PPIAL4H: variants seen among roughly 807,000 people sequenced by gnomAD.
PPIAL4H encodes peptidylprolyl isomerase A like 4H, also known as peptidyl-prolyl cis-trans isomerase A-like 4H.
PPIAL4H carries 6 observed loss-of-function variants against 7.5 expected under a neutral mutation model. The observed-to-expected ratio is 0.80, with a 90% CI of 0.44 to 1.58. The LOEUF is 1.58. PPIAL4H is among the 40% of genes most tolerant of loss of function. The pLI is 0.01. For synonymous variants in PPIAL4H, 43 were observed against 76.6 expected (o/e 0.56, Z 2.29); for missense variants, 115 against 211.6 (o/e 0.54, Z 2.83).
At position 146,344,081 on chromosome 1, in the gene PPIAL4H, G is replaced by A; in HGVS notation, c.*140C>T. 1 of 729,378 alleles carries A rather than the reference G, an allele frequency of 1.4e-6. No individual in the cohort carries two copies. The highest frequency in any genetic ancestry group is 1.8e-5 in the South Asian group (1 of 54,784). 45.2% of individuals were successfully genotyped at this position (729,378 alleles called of 1,614,324 possible). On this transcript the variant is annotated 3_prime_UTR_variant, in exon 1 of 1. Coordinates refer to ENST00000584068, the MANE Select transcript of PPIAL4H (RefSeq NM_001368128.3). ...TCCAGCTAGGCATGGAAGGGAACAAGGAAAACATGGAACCCAAAGGGAACT... is the reference window on the plus strand; with the variant it reads ...TCCAGCTAGGCATGGAAGGGAACAAAGAAAACATGGAACCCAAAGGGAACT...
Position 146,344,469 on chromosome 1 carries a change from A to G in PPIAL4H, c.247T>C (p.Phe83Leu), listed in dbSNP as rs1302373675. The change falls in exon 1 of 1, where the codon TTT (phenylalanine) becomes CTT (leucine). Residue 83 changes from phenylalanine (F) to leucine (L), a missense_variant. Phe to Leu is a conservative substitution (Grantham distance 22). This residue lies in a region of PPIAL4H where 68 missense variants were observed against 75.8 expected (regional missense o/e 0.90). Coordinates refer to ENST00000584068, the MANE Select transcript of PPIAL4H (RefSeq NM_001368128.3). ...TTTCGGATGAGGTTCTCATCATCAAATTTCTCCCCATAGATGGACTTGTCA... is the reference window on the plus strand; with the variant it reads ...TTTCGGATGAGGTTCTCATCATCAAGTTTCTCCCCATAGATGGACTTGTCA... Reference protein sequence around the residue: ...TDDKSIYGEKFDDENLIRKHT... With the variant: ...TDDKSIYGEKLDDENLIRKHT... The G allele has an allele frequency of 3.0e-5, 47 of 1,588,374 alleles. 6 individuals carry two copies. The highest frequency in any genetic ancestry group is 4.0e-5 in the Non-Finnish European group (47 of 1,163,154).
In PPIAL4H at chr1:146,344,263, C is replaced by T; in HGVS notation, c.453G>A (p.Lys151=). Residue 151 remains lysine (K), a synonymous_variant, in exon 1 of 1, where the codon AAG becomes AAA. Transcript: ENST00000584068. ...AMEHFGYRNS[K]TSKKITIADC... ...CAGCAATGGTGATCTTCTTGCTGGT[C>T]TTGCTATTCCTGTACCCAAAGTGCT... The T allele has an allele frequency of 1.3e-6, 2 of 1,566,268 alleles. No homozygotes were observed.
chr1:146,344,479 A>C lies in PPIAL4H; in HGVS notation c.237T>G (p.Tyr79Ter). The C allele has an allele frequency of 6.3e-7, 1 of 1,588,448 alleles. No homozygotes were observed. Among genetic ancestry groups the C allele is most frequent in the East Asian group, 2.3e-5 (1 of 44,026 alleles). ...GGTTCTCATCATCAAATTTCTCCCC[A>C]TAGATGGACTTGTCATCGGTGCCAT... is the stretch of plus-strand genomic sequence containing the variant. The part of the protein sequence containing the change: ...RPNGTDDKSI[Y>*]GEKFDDENLI... The change falls in exon 1 of 1, where the codon TAT becomes TAG. Residue 79 changes from tyrosine to a stop codon, truncating the protein, a stop_gained. Transcript: ENST00000584068. LOFTEE classifies it high-confidence loss of function.
In PPIAL4H at chr1:146,344,531, C is replaced by A. The variant is rs1666621417; in HGVS notation, c.185G>T (p.Cys62Phe). ...AGGGCGTGTGAAGTCACCACCCTGA[C>A]ACATAAACCCTGGAATAATTCTGTG... is the stretch of plus-strand genomic sequence containing the variant. ...CFHRIIPGFM[C>F]QGGDFTRPNG... Residue 62 changes from cysteine to phenylalanine, a missense_variant, in exon 1 of 1, where the codon TGT becomes TTT. Physicochemically the swap from Cys to Phe is radical, Grantham distance 205. Around this residue, in one of 3 missense-constraint regions of PPIAL4H, gnomAD observed 36 missense variants for 100.4 expected, o/e 0.36. Coordinates refer to ENST00000584068, the MANE Select transcript of PPIAL4H (RefSeq NM_001368128.3). The A allele has an allele frequency of 6.3e-7, 1 of 1,586,272 alleles. No individual in the cohort carries two copies. The highest frequency in any genetic ancestry group is 8.6e-7 in the Non-Finnish European group (1 of 1,162,612).
Position 146,344,406 on chromosome 1 carries a change from C to A in PPIAL4H, c.310G>T (p.Gly104Ter). Reference sequence around the variant, plus strand: ...AACTGGGAGCCATTTGTGTTGGGTCCAGCATTTACCATGGACAAGATGCCA... The same window carrying A: ...AACTGGGAGCCATTTGTGTTGGGTCAAGCATTTACCATGGACAAGATGCCA... ...GSGILSMVNA[G>*]PNTNGSQLFI... Residue 104 changes from glycine to a stop codon, truncating the protein, a stop_gained, in exon 1 of 1, where the codon GGA becomes TGA. Coordinates refer to ENST00000584068, the MANE Select transcript of PPIAL4H (RefSeq NM_001368128.3). LOFTEE classifies it high-confidence loss of function. 6.3e-7 allele frequency: 1 copy of A among 1,588,662 alleles called. No homozygotes were observed.
chr1:146,344,205 A>G lies in PPIAL4H; in HGVS notation c.*16T>C. 3 of 1,558,324 alleles carry G rather than the reference A, an allele frequency of 1.9e-6. No homozygotes were observed. In the South Asian group the frequency reaches 3.4e-5, roughly 17 times the overall value. ...GAATGGGTCTGGTGGTGAAAATAAA[A>G]CACAAGTCAAACTCATTAGAATTGT... On this transcript the variant is annotated 3_prime_UTR_variant, in exon 1 of 1. Transcript: ENST00000584068.
chr1:146,344,089 T>C lies in PPIAL4H; in HGVS notation c.*132A>G. 1.3e-6 allele frequency: 1 copy of C among 776,312 alleles called. No homozygotes were observed. The highest frequency in any genetic ancestry group is 2.0e-6 in the Non-Finnish European group (1 of 498,586). 48.1% of individuals were successfully genotyped at this position (776,312 alleles called of 1,614,324 possible). A position where few individuals can be genotyped will look rare whatever the true frequency, so the allele number is the denominator to read the frequency against. ...GGCATGGAAGGGAACAAGGAAAACA[T>C]GGAACCCAAAGGGAACTGCAGCAAG... is the stretch of plus-strand genomic sequence containing the variant. On this transcript the variant is annotated 3_prime_UTR_variant, in exon 1 of 1. Coordinates refer to ENST00000584068, the MANE Select transcript of PPIAL4H (RefSeq NM_001368128.3).
In PPIAL4H at chr1:146,344,088, A is replaced by T; in HGVS notation, c.*133T>A. 7.8e-6 allele frequency: 6 copies of T among 773,086 alleles called. No individual in the cohort carries two copies. In the South Asian group the frequency reaches 1.1e-4, roughly 14 times the overall value. 47.9% of individuals were successfully genotyped at this position (773,086 alleles called of 1,614,324 possible). Reference sequence around the variant, plus strand: ...AGGCATGGAAGGGAACAAGGAAAACATGGAACCCAAAGGGAACTGCAGCAA... The same window carrying T: ...AGGCATGGAAGGGAACAAGGAAAACTTGGAACCCAAAGGGAACTGCAGCAA... On this transcript the variant is annotated 3_prime_UTR_variant, in exon 1 of 1. Coordinates refer to ENST00000584068, the MANE Select transcript of PPIAL4H (RefSeq NM_001368128.3).
chr1:146,344,110 G>A lies in PPIAL4H; in HGVS notation c.*111C>T. ...AACATGGAACCCAAAGGGAACTGCA[G>A]CAAGAGCACAAAGATTCTAGGATAT... On this transcript the variant is annotated 3_prime_UTR_variant, in exon 1 of 1. Transcript: ENST00000584068. 1.9e-6 allele frequency: 2 copies of A among 1,080,544 alleles called. No homozygotes were observed. Among genetic ancestry groups the A allele is most frequent in the South Asian group, 3.0e-5 (2 of 66,426 alleles). The allele number at this position is 1,080,544 out of a possible 1,614,324, so 66.9% of individuals were successfully genotyped here.
rs1218289115 is a variant in PPIAL4H at position 146,344,368 on chromosome 1, A to C, written c.348T>G (p.Thr116=). The C allele has an allele frequency of 1.0e-4, 164 of 1,587,560 alleles. 13 individuals carry two copies. Among genetic ancestry groups the C allele is most frequent in the Non-Finnish European group, 1.2e-4 (140 of 1,162,636 alleles). The stretch of plus-strand genomic sequence containing the variant: ...TGCCATCCAACCACTCAGTCTTGGC[A>C]GTGCAGATGAATAACTGGGAGCCAT... ...NTNGSQLFIC[T]AKTEWLDGKH... is the part of the protein sequence containing the mutation. The change falls in exon 1 of 1, where the codon ACT becomes ACG. Residue 116 remains threonine (T), a synonymous_variant. Transcript: ENST00000584068.
In PPIAL4H at chr1:146,344,372, C is replaced by T; in HGVS notation, c.344G>A (p.Cys115Tyr). 6.3e-7 allele frequency: 1 copy of T among 1,587,648 alleles called. No individual in the cohort carries two copies. Among genetic ancestry groups the T allele is most frequent in the Non-Finnish European group, 8.6e-7 (1 of 1,162,708 alleles). Residue 115 changes from cysteine to tyrosine, a missense_variant, in exon 1 of 1, where the codon TGC (cysteine) becomes TAC (tyrosine). Physicochemically the swap from Cys to Tyr is radical, Grantham distance 194. Transcript: ENST00000584068. ...ATCCAACCACTCAGTCTTGGCAGTG[C>T]AGATGAATAACTGGGAGCCATTTGT... Reference protein sequence around the residue: ...PNTNGSQLFICTAKTEWLDGK... With the variant: ...PNTNGSQLFIYTAKTEWLDGK...
Position 146,344,630 on chromosome 1 carries a change from A to T in PPIAL4H, c.86T>A (p.Ile29Asn). ...ACGAAAGTTTTCTGCTGTCTTTGGA[A>T]TCTTGTCTGCAAACAGTTTGATGGA... ...RISIKLFADK[I>N]PKTAENFRAL... Residue 29 changes from isoleucine to asparagine, a missense_variant, in exon 1 of 1, where the codon ATT becomes AAT. Around this residue, in one of 3 missense-constraint regions of PPIAL4H, gnomAD observed 36 missense variants for 100.4 expected, o/e 0.36. Coordinates refer to ENST00000584068, the MANE Select transcript of PPIAL4H (RefSeq NM_001368128.3). 5.2e-6 allele frequency: 8 copies of T among 1,544,508 alleles called. No individual in the cohort carries two copies. Among genetic ancestry groups the T allele is most frequent in the Non-Finnish European group, 7.0e-6 (8 of 1,137,654 alleles).
At position 146,344,311 on chromosome 1, in the gene PPIAL4H, A is replaced by T; in HGVS notation, c.405T>A (p.Arg135=). ...KHVAFGKVKE[R]VNIVEAMEHF... ...GCTCCATGGCTTCCACAATATTCAC[A>T]CGTTCTTTCACCTTGCCAAAGGCCA... Residue 135 remains arginine (R), a synonymous_variant, in exon 1 of 1, where the codon CGT becomes CGA. Transcript: ENST00000584068. 6.3e-7 allele frequency: 1 copy of T among 1,579,458 alleles called. No individual in the cohort carries two copies. The highest frequency in any genetic ancestry group is 8.6e-7 in the Non-Finnish European group (1 of 1,161,124).
rs1409509172 is a variant in PPIAL4H at position 146,344,576 on chromosome 1, C to A, written c.140G>T (p.Arg47Leu). The change falls in exon 1 of 1, where the codon CGT becomes CTT. Residue 47 changes from arginine to leucine, a missense_variant. Around this residue, in one of 3 missense-constraint regions of PPIAL4H, gnomAD observed 36 missense variants for 100.4 expected, o/e 0.36. Transcript: ENST00000584068. Reference protein sequence around the residue: ...RALSTGEKGFRYKGSCFHRII... With the variant: ...RALSTGEKGFLYKGSCFHRII... ...TCTGTGAAAGCAGGAACCCTTATAA[C>A]GAAATCCTTTCTCTCCAGTGCTCAG... The A allele has an allele frequency of 6.3e-7, 1 of 1,577,228 alleles. No individual in the cohort carries two copies. Among genetic ancestry groups the A allele is most frequent in the South Asian group, 1.1e-5 (1 of 89,472 alleles).
In PPIAL4H at chr1:146,344,383, C is replaced by T. The variant is rs1666619314; in HGVS notation, c.333G>A (p.Gln111=). The part of the protein sequence containing the change: ...VNAGPNTNGS[Q]LFICTAKTEW... ...CAGTCTTGGCAGTGCAGATGAATAA[C>T]TGGGAGCCATTTGTGTTGGGTCCAG... Residue 111 remains glutamine, a synonymous_variant, in exon 1 of 1, where the codon CAG becomes CAA. Coordinates refer to ENST00000584068, the MANE Select transcript of PPIAL4H (RefSeq NM_001368128.3). 1.3e-6 allele frequency: 2 copies of T among 1,588,454 alleles called. No homozygotes were observed. Among genetic ancestry groups the T allele is most frequent in the East Asian group, 4.5e-5 (2 of 44,020 alleles).
chr1:146,344,712 C>T lies in PPIAL4H; in HGVS notation c.4G>A (p.Val2Ile). The part of the protein sequence containing the change: M[V>I]NSVVFFDITV... ...ATGTCAAAAAAGACGACGGAGTTGA[C>T]CATGGCTGATAGTACAGGGCTCACA... The change falls in exon 1 of 1, where the codon GTC (valine) becomes ATC (isoleucine). Residue 2 changes from valine to isoleucine, a missense_variant. Transcript: ENST00000584068. The T allele has an allele frequency of 7.6e-7, 1 of 1,318,688 alleles. No individual in the cohort carries two copies. The highest frequency in any genetic ancestry group is 1.1e-6 in the Non-Finnish European group (1 of 951,546). 81.7% of individuals were successfully genotyped at this position (1,318,688 alleles called of 1,614,324 possible). A position where few individuals can be genotyped will look rare whatever the true frequency, so the allele number is the denominator to read the frequency against.
Position 146,344,477 on chromosome 1 carries a change from C to T in PPIAL4H, c.239G>A (p.Gly80Glu). ...GAGGTTCTCATCATCAAATTTCTCCCCATAGATGGACTTGTCATCGGTGCC... is the reference window on the plus strand; with the variant it reads ...GAGGTTCTCATCATCAAATTTCTCCTCATAGATGGACTTGTCATCGGTGCC... ...PNGTDDKSIY[G>E]EKFDDENLIR... Residue 80 changes from glycine to glutamate, a missense_variant, in exon 1 of 1, where the codon GGG becomes GAG. By Grantham distance (98) the Gly-to-Glu change is moderately conservative (BLOSUM62 -2). Coordinates refer to ENST00000584068, the MANE Select transcript of PPIAL4H (RefSeq NM_001368128.3). The T allele has an allele frequency of 1.3e-6, 2 of 1,588,438 alleles. No homozygotes were observed. The highest frequency in any genetic ancestry group is 1.7e-6 in the Non-Finnish European group (2 of 1,163,146).
At position 146,344,045 on chromosome 1, in the gene PPIAL4H, C is replaced by T; in HGVS notation, c.*176G>A. ...TTATTTCATAATCATAAACTTAACT[C>T]AACTCTGCAATCCAGCTAGGCATGG... On this transcript the variant is annotated 3_prime_UTR_variant, in exon 1 of 1. Transcript: ENST00000584068. 1.7e-6 allele frequency: 1 copy of T among 577,734 alleles called. No individual in the cohort carries two copies. Among genetic ancestry groups the T allele is most frequent in the East Asian group, 2.9e-5 (1 of 34,008 alleles). The allele number at this position is 577,734 out of a possible 1,614,324, so 35.8% of individuals were successfully genotyped here.
Position 146,344,509 on chromosome 1 carries a change from G to A in PPIAL4H, c.207C>T (p.Arg69=). The part of the protein sequence containing the change: ...GFMCQGGDFT[R]PNGTDDKSIY... ...TGGACTTGTCATCGGTGCCATTAGG[G>A]CGTGTGAAGTCACCACCCTGACACA... The change falls in exon 1 of 1, where the codon CGC becomes CGT. Residue 69 remains arginine, a synonymous_variant. Coordinates refer to ENST00000584068, the MANE Select transcript of PPIAL4H (RefSeq NM_001368128.3). 1.9e-6 allele frequency: 3 copies of A among 1,587,526 alleles called. 1 individual carries two copies. Among genetic ancestry groups the A allele is most frequent in the Non-Finnish European group, 2.6e-6 (3 of 1,162,950 alleles).
Sources: gnomAD v4.1 joint callset for allele counts on GRCh38, gnomAD v4.1.1 for gene constraint, gnomAD v4.1.1 regional missense constraint, MANE v1.5 for transcripts, NCBI Gene and HGNC (gene_info 2026-07-23, HGNC 2026-07-21) for gene names.